TBC1D5: variants seen among roughly 807,000 people sequenced by gnomAD.
TBC1D5 encodes the protein TBC1 domain family member 5, also known as TBC1 domain family, member 5.
Under a neutral mutation model 100.3 loss-of-function variants are expected in TBC1D5, and 75 were observed. The observed-to-expected ratio is 0.75, with a 90% CI of 0.62 to 0.91. The LOEUF is 0.91. Among genes scored for constraint, TBC1D5 ranks in the 40% least tolerant of loss-of-function variants. The pLI is 0.00. For synonymous variants in TBC1D5, 323 were observed against 325.6 expected (o/e 0.99, Z 0.09); for missense variants, 910 against 942.4 (o/e 0.97, Z 0.45).
At chr3:17,300,883 C>G (rs1400258928) in intron 14 of TBC1D5, among the ~76,000 whole-genome samples, 1 of 151,962 alleles carries the variant, frequency 6.6e-6, no homozygotes, top group Non-Finnish European at 1.5e-5. Context: ...ACAAGCCTAG[C>G]CAACATGGTG....
chr3:17,421,852 T>C (rs1208581496), intron 4 of TBC1D5, among the ~76,000 whole-genome samples: 9 of 152,228 alleles, frequency 5.9e-5, no homozygotes, highest in Admixed American at 5.2e-4. Flanking sequence ...CCCTAAATCA[T>C]GTATTTATTC....
chr3:17,442,809 T>C (rs1186610316), intron 3 of TBC1D5, among the ~76,000 whole-genome samples: 2 of 152,048 alleles, frequency 1.3e-5, no homozygotes, highest in East Asian at 3.9e-4. Context: ...AGTCAGAAAC[T>C]GTGGTCTGAA....
intron 3 of TBC1D5, among the ~76,000 whole-genome samples, chr3:17,469,415 T>C (rs2095347303): frequency 6.6e-6 from 1 of 151,966 alleles, no homozygotes; most frequent in South Asian, 2.1e-4. Context: ...TAGCAACGAA[T>C]GTATAGCCAC....
At chr3:17,287,166 C>T (rs2081266078) in intron 15 of TBC1D5, among the ~76,000 whole-genome samples, 1 of 152,136 alleles carries the variant, frequency 6.6e-6, no homozygotes, top group Admixed American at 6.6e-5. Flanking sequence ...GGAATGTGAA[C>T]ATGGGTTCCA....
chr3:17,384,819 A>G (rs776264660), intron 8 of TBC1D5, among the ~76,000 whole-genome samples: 23 of 152,118 alleles, frequency 1.5e-4, no homozygotes, highest in Non-Finnish European at 2.5e-4. Flanking sequence ...GGAGCAGGAC[A>G]GTGGGATAGA....
intron 4 of TBC1D5, among the ~76,000 whole-genome samples, chr3:17,419,680 T>G (rs1435363259): frequency 1.3e-5 from 2 of 152,018 alleles, no homozygotes; most frequent in Non-Finnish European, 2.9e-5. Flanking sequence ...TTGTTTTGTT[T>G]TTATTTTTGT....
intron 18 of TBC1D5, among the ~76,000 whole-genome samples, chr3:17,192,683 A>G (rs898874574): frequency 2.0e-5 from 3 of 152,250 alleles, no homozygotes; most frequent in Non-Finnish European, 4.4e-5. Context: ...ATGCTATCCA[A>G]TTATATCATT....
chr3:17,168,581 C>T (rs915603440), intron 19 of TBC1D5, among the ~76,000 whole-genome samples: 4 of 152,104 alleles, frequency 2.6e-5, no homozygotes, highest in African/African-American at 7.2e-5. Flanking sequence ...GGAACTGTGG[C>T]GTTCTGAGGC....
intron 13 of TBC1D5, among the ~76,000 whole-genome samples, chr3:17,308,411 C>G (rs1339565567): frequency 6.6e-6 from 1 of 151,556 alleles, no homozygotes; most frequent in Non-Finnish European, 1.5e-5. Context: ...TCACAAATTC[C>G]CAAAAGGTGA....
chr3:17,351,601 GAT>G (rs1298902249), intron 13 of TBC1D5, among the ~76,000 whole-genome samples: 3 of 151,970 alleles, frequency 2.0e-5, no homozygotes, highest in African/African-American at 7.3e-5. Context: ...CAAGGGGAGG[GAT>G]AGCATTAGGA....
chr3:17,737,949 A>G (rs2077090414), intron 1 of TBC1D5, among the ~76,000 whole-genome samples: 1 of 152,150 alleles, frequency 6.6e-6, no homozygotes, highest in African/African-American at 2.4e-5. Context: ...CTGGACAATG[A>G]CTGAATGACA....
chr3:17,436,408 G>T (rs941648120), intron 3 of TBC1D5, among the ~76,000 whole-genome samples: 28 of 151,826 alleles, frequency 1.8e-4, no homozygotes, highest in African/African-American at 6.3e-4. Flanking sequence ...TCTAGTAGAG[G>T]TATAAAAGTA....
chr3:17,529,895 A>G (rs1016987626), intron 2 of TBC1D5, among the ~76,000 whole-genome samples: 8 of 152,288 alleles, frequency 5.3e-5, no homozygotes, highest in African/African-American at 1.4e-4. Context: ...GATGTCTCAG[A>G]TAACGGGTTA....
At chr3:17,395,603 C>G (rs1170449223) in intron 8 of TBC1D5, among the ~76,000 whole-genome samples, 3 of 152,114 alleles carry the variant, frequency 2.0e-5, no homozygotes, top group South Asian at 4.2e-4. Flanking sequence ...AAATCTACAA[C>G]TATAAATAGT....
At chr3:17,283,255 A>G (rs2080804856) in intron 15 of TBC1D5, among the ~76,000 whole-genome samples, 1 of 152,194 alleles carries the variant, frequency 6.6e-6, no homozygotes, top group African/African-American at 2.4e-5. Context: ...TCCTCATTCT[A>G]CAGTTCAAGA....
At chr3:17,735,489 T>C (rs1484193382) in intron 1 of TBC1D5, among the ~76,000 whole-genome samples, 1 of 152,170 alleles carries the variant, frequency 6.6e-6, no homozygotes, top group East Asian at 1.9e-4. Flanking sequence ...CCCAAGATGG[T>C]GGCGGCCACT....
At chr3:17,631,545 A>G (rs913469761) in intron 1 of TBC1D5, among the ~76,000 whole-genome samples, 1 of 152,246 alleles carries the variant, frequency 6.6e-6, no homozygotes, top group African/African-American at 2.4e-5. Flanking sequence ...AGAAGATGCC[A>G]TTTAGGACTT....
chr3:17,484,050 T>C (rs1259401744), intron 3 of TBC1D5, among the ~76,000 whole-genome samples: 1 of 152,156 alleles, frequency 6.6e-6, no homozygotes, highest in Non-Finnish European at 1.5e-5. Flanking sequence ...GTAAAGATAC[T>C]ACCTATACCA....
At chr3:17,587,987 T>A (rs2096742837) in intron 2 of TBC1D5, among the ~76,000 whole-genome samples, 1 of 152,048 alleles carries the variant, frequency 6.6e-6, no homozygotes, top group Admixed American at 6.6e-5. Flanking sequence ...ATATATATTA[T>A]CATAGTACTA....
Sources: gnomAD v4.1 joint callset for allele counts (sites outside exome capture counted in the v4.1 genomes callset) on GRCh38, gnomAD v4.1.1 for gene constraint, MANE v1.5 for transcripts, NCBI Gene and HGNC (gene_info 2026-07-23, HGNC 2026-07-21) for gene names.